GPC6: variants seen among roughly 807,000 people sequenced by gnomAD.
GPC6 encodes glypican 6.
GPC6 carries 14 observed loss-of-function variants against 55.2 expected under a neutral mutation model. The ratio of observed to expected loss-of-function variants is 0.25; its 90% CI spans 0.17 to 0.40. GPC6 has a LOEUF of 0.40. GPC6 is among the 10% of genes least tolerant of loss of function. The pLI is 1.00. For synonymous variants in GPC6, 278 were observed against 259.6 expected (o/e 1.07, Z -0.68); for missense variants, 641 against 708.5 (o/e 0.90, Z 1.08).
At chr13:93,987,171 G>T (rs867645871) in intron 3 of GPC6, among the ~76,000 whole-genome samples, 1 of 152,014 alleles carries the variant, frequency 6.6e-6, no homozygotes, top group Admixed American at 6.6e-5. Flanking sequence ...CAATATCTAC[G>T]AACATATTTC....
At chr13:93,836,880 A>T (rs985399300) in intron 3 of GPC6, among the ~76,000 whole-genome samples, 1 of 152,178 alleles carries the variant, frequency 6.6e-6, no homozygotes, top group African/African-American at 2.4e-5. Context: ...AGAGTATAAG[A>T]AAGTCCAGGT....
intron 3 of GPC6, among the ~76,000 whole-genome samples, chr13:93,879,315 A>G (rs1271473866): frequency 2.6e-5 from 4 of 152,162 alleles, no homozygotes; most frequent in Non-Finnish European, 4.4e-5. Flanking sequence ...TTCAAACTAT[A>G]CTACAAGGCT....
chr13:94,230,339 A>C (rs746365033), intron 4 of GPC6, among the ~76,000 whole-genome samples: 1 of 152,102 alleles, frequency 6.6e-6, no homozygotes, highest in African/African-American at 2.4e-5. Context: ...GGGCTTTCCC[A>C]TGACCTCCAC....
chr13:93,746,116 G>C (rs910447315), intron 2 of GPC6, among the ~76,000 whole-genome samples: 1 of 152,170 alleles, frequency 6.6e-6, no homozygotes. Flanking sequence ...AAGATAAGAA[G>C]CTGTTTTGAT....
At chr13:93,870,290 A>G (rs936912385) in intron 3 of GPC6, among the ~76,000 whole-genome samples, 1 of 151,898 alleles carries the variant, frequency 6.6e-6, no homozygotes, top group African/African-American at 2.4e-5. Flanking sequence ...ATGTCTTGCT[A>G]CATGAAGGTG....
intron 3 of GPC6, among the ~76,000 whole-genome samples, chr13:93,959,754 A>G (rs981267948): frequency 6.6e-6 from 1 of 152,084 alleles, no homozygotes; most frequent in African/African-American, 2.4e-5. Flanking sequence ...CACTATTCTA[A>G]TTATTTTATA....
intron 4 of GPC6, among the ~76,000 whole-genome samples, chr13:94,190,265 A>G (rs1889346503): frequency 6.6e-6 from 1 of 152,076 alleles, no homozygotes; most frequent in South Asian, 2.1e-4. Context: ...GGTTGCAGTG[A>G]ACCAAGATCG....
At chr13:93,630,449 A>C (rs372709983) in intron 2 of GPC6, among the ~76,000 whole-genome samples, 1 of 152,186 alleles carries the variant, frequency 6.6e-6, no homozygotes, top group African/African-American at 2.4e-5. Flanking sequence ...ATTGCCAAGC[A>C]TACAGTAGGT....
intron 2 of GPC6, among the ~76,000 whole-genome samples, chr13:93,650,259 A>C (rs946735195): frequency 6.6e-6 from 1 of 152,196 alleles, no homozygotes; most frequent in Admixed American, 6.5e-5. Context: ...GCAATGTAAG[A>C]AATATTATAG....
chr13:93,343,491 T>A (rs905188458), intron 1 of GPC6, among the ~76,000 whole-genome samples: 1 of 152,212 alleles, frequency 6.6e-6, no homozygotes, highest in African/African-American at 2.4e-5. Context: ...GTAGCCATTA[T>A]TCTAGAACTG....
intron 3 of GPC6, among the ~76,000 whole-genome samples, chr13:94,017,831 C>T (rs534735970): frequency 1.3e-5 from 2 of 152,094 alleles, no homozygotes; most frequent in African/African-American, 4.8e-5. Context: ...GCACCCACCA[C>T]GACACCCAGC....
intron 3 of GPC6, among the ~76,000 whole-genome samples, chr13:93,901,066 A>G (rs1335703923): frequency 1.3e-5 from 2 of 152,204 alleles, no homozygotes; most frequent in African/African-American, 2.4e-5. Context: ...TTCCTGAAAT[A>G]GAGGTCTGTG....
chr13:94,025,402 T>C (rs1882856399), intron 3 of GPC6: 1 of 151,272 alleles, frequency 6.6e-6, no homozygotes, highest in Non-Finnish European at 1.5e-5. Flanking sequence ...GCAAAATTCT[T>C]TTTCCTGTTT....
intron 4 of GPC6, among the ~76,000 whole-genome samples, chr13:94,270,578 A>G (rs911813843): frequency 6.6e-6 from 1 of 151,878 alleles, no homozygotes; most frequent in African/African-American, 2.4e-5. Context: ...TTAGTTACAG[A>G]TGATTTTTAT....
chr13:94,084,955 A>C (rs1207277693), intron 4 of GPC6, among the ~76,000 whole-genome samples: 2 of 152,116 alleles, frequency 1.3e-5, no homozygotes, highest in South Asian at 2.1e-4. Context: ...TTATGTCAAA[A>C]GTAAAATTGG....
intron 2 of GPC6, among the ~76,000 whole-genome samples, chr13:93,742,612 T>C (rs976705214): frequency 2.0e-5 from 3 of 152,190 alleles, no homozygotes; most frequent in African/African-American, 7.2e-5. Flanking sequence ...AATGTGGGGA[T>C]ATCAATGGAG....
intron 6 of GPC6, among the ~76,000 whole-genome samples, chr13:94,364,883 C>T (rs941799091): frequency 6.6e-6 from 1 of 152,198 alleles, no homozygotes; most frequent in African/African-American, 2.4e-5. Flanking sequence ...TGGCAGTAAA[C>T]TTATTTTGCA....
At chr13:93,353,780 C>T (rs552870378) in intron 1 of GPC6, among the ~76,000 whole-genome samples, 3 of 152,096 alleles carry the variant, frequency 2.0e-5, no homozygotes, top group Non-Finnish European at 4.4e-5. Flanking sequence ...GTTTAATGTC[C>T]CTTGCCATTT....
intron 3 of GPC6, among the ~76,000 whole-genome samples, chr13:93,836,339 G>A (rs542872317): frequency 6.6e-5 from 10 of 152,238 alleles, no homozygotes; most frequent in East Asian, 5.8e-4. Flanking sequence ...TCTATTTAGC[G>A]TTTGCTTTTG....
Sources: allele counts gnomAD v4.1 joint callset (sites outside exome capture counted in the v4.1 genomes callset), GRCh38; gene constraint gnomAD v4.1.1; transcripts MANE v1.5; gene names NCBI Gene and HGNC (gene_info 2026-07-23, HGNC 2026-07-21).